SLC4A10: variants seen among roughly 807,000 people sequenced by gnomAD.
SLC4A10 encodes the protein solute carrier family 4 member 10, also known as sodium-driven chloride bicarbonate exchanger.
A neutral mutation model predicts 137.7 loss-of-function variants in SLC4A10; 42 were observed. The ratio of observed to expected loss-of-function variants is 0.30; its 90% confidence interval spans 0.24 to 0.39. The LOEUF (loss-of-function observed/expected upper bound fraction) is 0.39. Ranked by LOEUF, SLC4A10 falls within the 10% of genes least tolerant of loss-of-function variation. The probability of loss-of-function intolerance (pLI) is 1.00; values close to 1 mark genes in which losing one functional copy is unlikely to be tolerated. For missense variants in SLC4A10, 925 were observed against 1,355.0 expected (o/e 0.68, Z 4.98); for synonymous variants, 474 against 464.1 (o/e 1.02, Z -0.27).
At chr2:161,804,352 A>C in intron 2 of SLC4A10, 97 bp from the exon 3 acceptor site, 2 of 1,320,936 alleles carry the variant, frequency 1.5e-6, no homozygotes, top group Non-Finnish European at 2.1e-6. Context: ...TGACTTGCTG[A>C]ATTAAATTAA....
intron 1 of SLC4A10, among the ~76,000 whole-genome samples, chr2:161,636,453 G>A (rs1213355820): frequency 6.6e-6 from 1 of 151,886 alleles, no homozygotes; most frequent in Non-Finnish European, 1.5e-5. Flanking sequence ...GGAGTGCAGT[G>A]GCACGGTCTC....
chr2:161,685,174 C>T (rs993412390), intron 1 of SLC4A10, among the ~76,000 whole-genome samples: 1 of 152,134 alleles, frequency 6.6e-6, no homozygotes, highest in African/African-American at 2.4e-5. Context: ...CTAAGCACTA[C>T]TGGATAGGCC....
At chr2:161,723,484 G>T (rs1430399948) in intron 1 of SLC4A10, among the ~76,000 whole-genome samples, 1 of 152,044 alleles carries the variant, frequency 6.6e-6, no homozygotes. Context: ...CTTCCTTCTG[G>T]TTTCGTTTCC....
rs1187505907 is a variant in SLC4A10, at chr2:161,732,449, C to A, written c.49-38524C>A. ...ATTTTACCATGTCACAATCCACCCC[C>A]TAGTCTTCAAACACAGATCCCTTAC... On this transcript the variant is annotated intron_variant, in intron 1 of 26. Coordinates refer to ENST00000446997, the MANE Select transcript of SLC4A10 (RefSeq NM_001178015.2). Among the ~76,000 whole-genome samples the A allele has an allele frequency of 3.3e-5, 5 of 152,270 alleles. No individual in the cohort carries two copies. In the East Asian group the frequency reaches 9.6e-4, roughly 29 times the overall value.
At chr2:161,686,159 T>C (rs1395903795) in intron 1 of SLC4A10, among the ~76,000 whole-genome samples, 1 of 152,174 alleles carries the variant, frequency 6.6e-6, no homozygotes, top group East Asian at 1.9e-4. Context: ...TTGTAGCATA[T>C]ATGATACTCA....
At chr2:161,933,195 C>A (rs1263717215) in intron 15 of SLC4A10, among the ~76,000 whole-genome samples, 1 of 77,550 alleles carries the variant, frequency 1.3e-5, no homozygotes, top group Non-Finnish European at 2.7e-5. Context: ...TTCTTTCTTT[C>A]TTTCTTTCTT....
At chr2:161,832,126 T>C (rs1204831354) in intron 3 of SLC4A10, among the ~76,000 whole-genome samples, 1 of 152,194 alleles carries the variant, frequency 6.6e-6, no homozygotes, top group Non-Finnish European at 1.5e-5. Flanking sequence ...CCTGAGTTCC[T>C]TACCTTGGTT....
At chr2:161,669,751 G>A (rs1034017285) in intron 1 of SLC4A10, among the ~76,000 whole-genome samples, 1 of 151,944 alleles carries the variant, frequency 6.6e-6, no homozygotes. Flanking sequence ...TAAAGATGAG[G>A]CTTGTTGTTG....
intron 3 of SLC4A10, among the ~76,000 whole-genome samples, chr2:161,813,600 C>T (rs756798492): frequency 8.5e-5 from 13 of 152,050 alleles, no homozygotes; most frequent in Non-Finnish European, 1.3e-4. Context: ...GTTCCATCTG[C>T]TTATAGTTAG....
intron 4 of SLC4A10, among the ~76,000 whole-genome samples, chr2:161,840,614 C>T (rs1380708421): frequency 1.3e-5 from 2 of 152,124 alleles, no homozygotes; most frequent in East Asian, 3.9e-4. Flanking sequence ...GGCACAACAA[C>T]AAAAATCTTA....
At chr2:161,945,086 A>G (rs1171754517) in intron 16 of SLC4A10, among the ~76,000 whole-genome samples, 1 of 149,786 alleles carries the variant, frequency 6.7e-6, no homozygotes, top group African/African-American at 2.4e-5. Context: ...GTAAGTGTCA[A>G]ACATTTGATA....
At chr2:161,641,339 CT>C (rs1441510480) in intron 1 of SLC4A10, among the ~76,000 whole-genome samples, 1 of 152,102 alleles carries the variant, frequency 6.6e-6, no homozygotes, top group Non-Finnish European at 1.5e-5. Context: ...TGTTGAAGAA[CT>C]GACCAAAAGT....
intron 4 of SLC4A10, among the ~76,000 whole-genome samples, chr2:161,844,054 A>C (rs544601053): frequency 1.2e-4 from 18 of 152,268 alleles, no homozygotes; most frequent in Non-Finnish European, 2.4e-4. Context: ...AATAACATGT[A>C]ATGTTATTAA....
chr2:161,640,881 A>G (rs2035222344), intron 1 of SLC4A10, among the ~76,000 whole-genome samples: 1 of 152,078 alleles, frequency 6.6e-6, no homozygotes, highest in African/African-American at 2.4e-5. Flanking sequence ...ACTATTTGAA[A>G]CATTATTTAA....
At chr2:161,902,030 C>T (rs1683231542) in intron 12 of SLC4A10, 1 of 456,304 alleles carries the variant, frequency 2.2e-6, no homozygotes, top group African/African-American at 2.0e-5. Flanking sequence ...CCTCCCAGGT[C>T]ACCAATATCC....
chr2:161,700,145 C>G (rs1046657345), intron 1 of SLC4A10, among the ~76,000 whole-genome samples: 1 of 152,054 alleles, frequency 6.6e-6, no homozygotes, highest in African/African-American at 2.4e-5. Context: ...GAGTAACTGA[C>G]AATTAAAGGC....
intron 4 of SLC4A10, among the ~76,000 whole-genome samples, chr2:161,840,380 T>C (rs2059108655): frequency 6.6e-6 from 1 of 152,222 alleles, no homozygotes; most frequent in Admixed American, 6.5e-5. Flanking sequence ...ATTTGTAATA[T>C]GTTTCTAGGA....
At chr2:161,895,667 T>C (rs546408197) in intron 11 of SLC4A10, among the ~76,000 whole-genome samples, 1 of 152,366 alleles carries the variant, frequency 6.6e-6, no homozygotes, top group African/African-American at 2.4e-5. Flanking sequence ...TGACCAGTGA[T>C]GATGAGCATT....
rs1457664316 is a variant in SLC4A10, at chr2:161,984,889, T to C, written c.*1737T>C. 1.3e-5 allele frequency: 2 copies of C among 152,176 alleles called. No homozygotes were observed. The highest frequency in any genetic ancestry group is 3.9e-4 in the East Asian group (2 of 5,194). The allele number at this position is 152,176 out of a possible 1,614,324, so 9.4% of individuals were successfully genotyped here. On this transcript the variant is annotated 3_prime_UTR_variant, in exon 27 of 27. Transcript: ENST00000446997. ...ATTCCCCAAAGCAGCCTCTTAGTGT[T>C]TTAATATATTAATAACTGTTTTGTT...
Sources: gnomAD v4.1 joint callset for allele counts (sites outside exome capture counted in the v4.1 genomes callset) on GRCh38, gnomAD v4.1.1 for gene constraint, MANE v1.5 for transcripts, NCBI Gene and HGNC (gene_info 2026-07-23, HGNC 2026-07-21) for gene names.